Variants in CCDC178 observed in about 807,000 individuals in gnomAD.
The protein encoded by CCDC178 is coiled-coil domain containing 178.
CCDC178 carries 126 observed loss-of-function variants against 117.4 expected under a neutral mutation model. The ratio of observed to expected loss-of-function variants is 1.07; its 90% CI spans 0.93 to 1.24. The LOEUF (loss-of-function observed/expected upper bound fraction) is 1.24, where lower values mean the gene tolerates loss of function less well. Among genes scored for constraint, CCDC178 ranks in the 50% most tolerant of loss-of-function variants. The pLI, the probability that CCDC178 is intolerant of heterozygous loss-of-function variation, is 0.00. For missense variants in CCDC178, 1,030 were observed against 986.9 expected (o/e 1.04, Z -0.59); for synonymous variants, 283 against 313.4 (o/e 0.90, Z 1.02).
intron 21 of CCDC178, among the ~76,000 whole-genome samples, chr18:32,998,931 C>T (rs937166981): frequency 6.6e-6 from 1 of 151,960 alleles, no homozygotes; most frequent in African/African-American, 2.4e-5. Context: ...CGGAAAGAGG[C>T]TCCTTCTGCT....
chr18:33,149,364 TA>T (rs2058313688), intron 20 of CCDC178, among the ~76,000 whole-genome samples: 2 of 152,306 alleles, frequency 1.3e-5, no homozygotes, highest in South Asian at 2.1e-4. Flanking sequence ...AGAAATGCTC[TA>T]AAGGTGAAGG....
chr18:33,092,686 A>G (rs2057485293), intron 21 of CCDC178, 75 bp downstream of exon 21: 9 of 1,033,430 alleles, frequency 8.7e-6, no homozygotes, highest in Non-Finnish European at 1.3e-5. Flanking sequence ...GAGGCACCCA[A>G]ACTGACTACT....
chr18:33,355,005 A>G (rs1166845358), intron 7 of CCDC178, among the ~76,000 whole-genome samples: 3 of 152,106 alleles, frequency 2.0e-5, no homozygotes, highest in African/African-American at 7.2e-5. Context: ...TTATTTGTTC[A>G]TGGTTTCCTT....
intron 11 of CCDC178, among the ~76,000 whole-genome samples, chr18:33,321,168 A>G (rs946864306): frequency 6.6e-6 from 1 of 152,244 alleles, no homozygotes; most frequent in Non-Finnish European, 1.5e-5. Context: ...ACCATTCAGG[A>G]CATAGGCATG....
chr18:33,094,871 G>A (rs2145081795), intron 20 of CCDC178, among the ~76,000 whole-genome samples: 1 of 151,970 alleles, frequency 6.6e-6, no homozygotes, highest in Admixed American at 6.6e-5. Context: ...ATATATGAAG[G>A]ATGTATCAAT....
chr18:33,165,955 C>G (rs896454280), intron 20 of CCDC178, among the ~76,000 whole-genome samples: 3 of 152,176 alleles, frequency 2.0e-5, no homozygotes, highest in Non-Finnish European at 4.4e-5. Flanking sequence ...CAACTAAACT[C>G]TTAATTACAG....
intron 21 of CCDC178, among the ~76,000 whole-genome samples, chr18:33,068,500 C>A (rs564995148): frequency 5.9e-5 from 9 of 151,940 alleles, no homozygotes; most frequent in African/African-American, 2.2e-4. Context: ...CCCAGGGATG[C>A]AAGGATGGTT....
intron 22 of CCDC178, chr18:32,956,958 C>T (rs1240169973): frequency 6.9e-6 from 1 of 145,160 alleles, no homozygotes; most frequent in Non-Finnish European, 1.5e-5. Flanking sequence ...ATAAATATTT[C>T]TAAAGGAAGG....
intron 9 of CCDC178, among the ~76,000 whole-genome samples, chr18:33,341,048 A>C (rs1301948642): frequency 3.9e-5 from 6 of 152,156 alleles, no homozygotes; most frequent in Admixed American, 3.3e-4. Flanking sequence ...AGCCCATGAA[A>C]GCAGTCATGA....
chr18:33,100,245 T>G (rs2057604463), intron 20 of CCDC178, among the ~76,000 whole-genome samples: 2 of 151,972 alleles, frequency 1.3e-5, no homozygotes, highest in South Asian at 4.1e-4. Context: ...GCTACTGCAT[T>G]AATTTATGCA....
At chr18:33,024,809 A>ATT (rs34250187) in intron 21 of CCDC178, among the ~76,000 whole-genome samples, 1 of 139,466 alleles carries the variant, frequency 7.2e-6, no homozygotes, top group Non-Finnish European at 1.6e-5. Context: ...ATGCTCAGCT[A>ATT]TTTTTTTTTT....
At chr18:33,386,059 T>C (rs776507887) in intron 5 of CCDC178, among the ~76,000 whole-genome samples, 2 of 152,252 alleles carry the variant, frequency 1.3e-5, no homozygotes, top group Non-Finnish European at 1.5e-5. Context: ...CATCAGAGAA[T>C]ACTATAAACA....
At chr18:33,336,570 T>A (rs1241465321) in intron 9 of CCDC178, among the ~76,000 whole-genome samples, 1 of 152,118 alleles carries the variant, frequency 6.6e-6, no homozygotes, top group South Asian at 2.1e-4. Context: ...ATTTTCTGAA[T>A]TAATAGGTAA....
intron 21 of CCDC178, among the ~76,000 whole-genome samples, chr18:33,020,675 C>A (rs965919537): frequency 1.3e-5 from 2 of 152,110 alleles, no homozygotes; most frequent in African/African-American, 4.8e-5. Flanking sequence ...AAATTACGTA[C>A]TGAGTTTCTC....
At chr18:33,198,162 C>T (rs1171294492) in intron 20 of CCDC178, among the ~76,000 whole-genome samples, 1 of 152,160 alleles carries the variant, frequency 6.6e-6, no homozygotes, top group Non-Finnish European at 1.5e-5. Context: ...ATCAGGGCCA[C>T]ATTCAAAAAT....
intron 14 of CCDC178, among the ~76,000 whole-genome samples, chr18:33,264,633 C>T (rs2059792142): frequency 6.6e-6 from 1 of 152,014 alleles, no homozygotes; most frequent in Admixed American, 6.6e-5. Context: ...GAGCTGCATT[C>T]CCACTGCTTG....
chr18:33,260,337 G>T (rs1042439610), intron 14 of CCDC178, among the ~76,000 whole-genome samples: 1 of 151,948 alleles, frequency 6.6e-6, no homozygotes, highest in Non-Finnish European at 1.5e-5. Context: ...ACTCGTTCAT[G>T]ATTACTACAC....
intron 20 of CCDC178, among the ~76,000 whole-genome samples, chr18:33,110,306 C>A (rs879940252): frequency 4.0e-5 from 6 of 151,478 alleles, no homozygotes; most frequent in Non-Finnish European, 5.9e-5. Flanking sequence ...CTTTGTTGGA[C>A]ATATGTATCT....
chr18:33,093,763 A>C (rs1182886241), intron 20 of CCDC178, among the ~76,000 whole-genome samples: 1 of 151,932 alleles, frequency 6.6e-6, no homozygotes, highest in Non-Finnish European at 1.5e-5. Flanking sequence ...ATATTTTCAA[A>C]CCTGTTAATC....
Sources: allele counts gnomAD v4.1 joint callset (sites outside exome capture counted in the v4.1 genomes callset), GRCh38; gene constraint gnomAD v4.1.1; transcripts MANE v1.5; gene names NCBI Gene and HGNC (gene_info 2026-07-23, HGNC 2026-07-21).